KAZN: variants seen among roughly 807,000 people sequenced by gnomAD.
The protein encoded by KAZN is kazrin, periplakin interacting protein.
KAZN carries 40 observed loss-of-function variants against 87.4 expected under a neutral mutation model. The ratio of observed to expected loss-of-function variants is 0.46; its 90% CI spans 0.36 to 0.60. The LOEUF (loss-of-function observed/expected upper bound fraction) is 0.60, where lower values mean the gene tolerates loss of function less well. KAZN is among the 20% of genes least tolerant of loss of function. The pLI, the probability that KAZN is intolerant of heterozygous loss-of-function variation, is 0.00. For synonymous variants in KAZN, 466 were observed against 458.3 expected (o/e 1.02, Z -0.22); for missense variants, 898 against 1,073.9 (o/e 0.84, Z 2.29).
chr1:14,361,178 C>A, intron 2 of KAZN, among the ~76,000 whole-genome samples: 1 of 152,194 alleles, frequency 6.6e-6, no homozygotes, highest in East Asian at 1.9e-4. Context: ...GCAGCTTTGC[C>A]AAGCTGCGGT....
At chr1:14,987,137 T>A (rs1176484135) in intron 2 of KAZN, among the ~76,000 whole-genome samples, 3 of 152,098 alleles carry the variant, frequency 2.0e-5, no homozygotes, top group Non-Finnish European at 4.4e-5. Context: ...ATACATACTA[T>A]GAAGGATTCA....
At chr1:14,649,441 G>A (rs150799870) in intron 1 of KAZN, among the ~76,000 whole-genome samples, 87 of 152,302 alleles carry the variant, frequency 5.7e-4, no homozygotes, top group African/African-American at 2.1e-3. Flanking sequence ...CTCCAGAGTC[G>A]TTGGTCTTGG....
chr1:14,442,815 A>G (rs534127970), intron 2 of KAZN, among the ~76,000 whole-genome samples: 1 of 152,280 alleles, frequency 6.6e-6, no homozygotes, highest in South Asian at 2.1e-4. Flanking sequence ...CTTCCCATAA[A>G]AGCAAAAGTG....
At chr1:14,264,296 G>T (rs1015025593) in intron 2 of KAZN, among the ~76,000 whole-genome samples, 10 of 152,194 alleles carry the variant, frequency 6.6e-5, no homozygotes, top group Non-Finnish European at 1.3e-4. Context: ...AGCCAGGAGT[G>T]GGTGTTTGCT....
At chr1:14,231,606 G>A (rs758110805) in intron 2 of KAZN, among the ~76,000 whole-genome samples, 41 of 152,248 alleles carry the variant, frequency 2.7e-4, no homozygotes, top group African/African-American at 3.9e-4. Flanking sequence ...GCCCTCAGCC[G>A]ATGCATCTAT....
At chr1:14,709,235 G>A (rs1258782946) in intron 1 of KAZN, among the ~76,000 whole-genome samples, 2 of 152,124 alleles carry the variant, frequency 1.3e-5, no homozygotes, top group Admixed American at 6.5e-5. Context: ...GTCTCACTCC[G>A]GAGCCCAAAC....
intron 2 of KAZN, among the ~76,000 whole-genome samples, chr1:14,235,196 A>G (rs1451099395): frequency 6.6e-6 from 1 of 152,216 alleles, no homozygotes; most frequent in African/African-American, 2.4e-5. Flanking sequence ...AATATTATTC[A>G]TCCATAAACA....
At chr1:14,051,850 C>CCAAA (rs1642345676) in intron 1 of KAZN, among the ~76,000 whole-genome samples, 1 of 152,032 alleles carries the variant, frequency 6.6e-6, no homozygotes, top group Non-Finnish European at 1.5e-5. Context: ...AAAAAACCAA[C>CCAAA]CAACCAACCA....
At chr1:14,014,902 T>C (rs569545400) in intron 1 of KAZN, among the ~76,000 whole-genome samples, 1 of 152,350 alleles carries the variant, frequency 6.6e-6, no homozygotes, top group African/African-American at 2.4e-5. Context: ...TAAGGAAATG[T>C]AGCCTCAATG....
chr1:14,337,909 AAAAG>A (rs1178522633), intron 2 of KAZN, among the ~76,000 whole-genome samples: 2 of 151,766 alleles, frequency 1.3e-5, no homozygotes, highest in Non-Finnish European at 2.9e-5. Flanking sequence ...AAAAAAAAAA[AAAAG>A]AGCCTCCTCT....
chr1:14,394,247 G>A (rs79758236), intron 2 of KAZN, among the ~76,000 whole-genome samples: 78 of 152,376 alleles, frequency 5.1e-4, no homozygotes, highest in African/African-American at 1.9e-3. Context: ...GATGGCATGT[G>A]ATCTTATGTC....
chr1:15,041,162 A>G lies in KAZN; in HGVS notation c.556-2827A>G, dbSNP rs538107582. On this transcript the variant is annotated intron_variant, in intron 3 of 14. Transcript: ENST00000376030. ...TTTTTAGTAGAGATGGGGTTTCACC[A>G]TGTTGGCCAGGCTGGTCTCGAGCTC... is the stretch of plus-strand genomic sequence containing the variant. 4.1e-5 allele frequency among the ~76,000 whole-genome samples: 6 copies of G among 147,952 alleles called. No individual in the cohort carries two copies. In the East Asian group the frequency reaches 1.2e-3, roughly 30 times the overall value.
At chr1:14,479,341 A>G (rs1161085571) in intron 2 of KAZN, among the ~76,000 whole-genome samples, 1 of 152,230 alleles carries the variant, frequency 6.6e-6, no homozygotes, top group Non-Finnish European at 1.5e-5. Context: ...CAAAACGCAT[A>G]TGCAGCTATG....
At chr1:14,400,570 T>TG (rs1407213245) in intron 2 of KAZN, among the ~76,000 whole-genome samples, 1 of 152,222 alleles carries the variant, frequency 6.6e-6, no homozygotes, top group Non-Finnish European at 1.5e-5. Context: ...TGGCAAAGAA[T>TG]GAATGGGTTA....
intron 2 of KAZN, among the ~76,000 whole-genome samples, chr1:14,361,186 G>A (rs1008243742): frequency 3.9e-5 from 6 of 152,170 alleles, no homozygotes; most frequent in East Asian, 1.9e-4. Context: ...GCCAAGCTGC[G>A]GTGTACTCTG....
intron 1 of KAZN, among the ~76,000 whole-genome samples, chr1:14,637,436 G>A (rs1680075572): frequency 6.6e-6 from 1 of 152,192 alleles, no homozygotes; most frequent in African/African-American, 2.4e-5. Context: ...CTGAGGCTCG[G>A]AAAGGTCACA....
At chr1:13,898,504 A>G (rs2038095) in intron 1 of KAZN, among the ~76,000 whole-genome samples, 55,033 of 152,112 alleles carry the variant, frequency 0.36, 10,099 homozygotes, top group South Asian at 0.49. Flanking sequence ...TGCTTGACCC[A>G]AACAACTAAA....
At chr1:14,707,960 A>G (rs1642296670) in intron 1 of KAZN, among the ~76,000 whole-genome samples, 1 of 152,180 alleles carries the variant, frequency 6.6e-6, no homozygotes, top group African/African-American at 2.4e-5. Context: ...AGCATGAATC[A>G]CCCGGCCAAG....
At chr1:13,991,314 G>A (rs1246848194) in intron 1 of KAZN, among the ~76,000 whole-genome samples, 1 of 151,998 alleles carries the variant, frequency 6.6e-6, no homozygotes, top group Non-Finnish European at 1.5e-5. Flanking sequence ...GGAGGGCTAG[G>A]GGAGGGATAG....
Sources: allele counts gnomAD v4.1 joint callset (sites outside exome capture counted in the v4.1 genomes callset), GRCh38; gene constraint gnomAD v4.1.1; transcripts MANE v1.5; gene names NCBI Gene and HGNC (gene_info 2026-07-23, HGNC 2026-07-21).